Variants in PXDNL observed in about 807,000 individuals in gnomAD.
PXDNL encodes the protein peroxidasin like, also known as probable oxidoreductase PXDNL.
PXDNL carries 145 observed loss-of-function variants against 150.8 expected under a neutral mutation model. That is an observed-to-expected ratio of 0.96 (90% CI 0.84 to 1.10). The LOEUF (loss-of-function observed/expected upper bound fraction) is 1.10, where lower values mean the gene tolerates loss of function less well. PXDNL is among the 50% of genes least tolerant of loss of function. The pLI, the probability that PXDNL is intolerant of heterozygous loss-of-function variation, is 0.00. For missense variants in PXDNL, 2,087 were observed against 1,873.9 expected, an observed-to-expected ratio of 1.11 and a Z score of -2.10; for synonymous variants, 757 against 725.7, an observed-to-expected ratio of 1.04 and a Z score of -0.69.
chr8:51,528,817 T>G (rs1027626048), intron 4 of PXDNL, among the ~76,000 whole-genome samples: 6 of 152,124 alleles, frequency 3.9e-5, no homozygotes, highest in African/African-American at 1.4e-4. Flanking sequence ...TTTTTACAGC[T>G]TCCACAACCG....
intron 1 of PXDNL, among the ~76,000 whole-genome samples, chr8:51,725,127 C>G (rs1486336166): frequency 6.6e-6 from 1 of 152,080 alleles, no homozygotes; most frequent in Non-Finnish European, 1.5e-5. Flanking sequence ...TTCTATTCAA[C>G]CATGTAATAA....
rs57363855 is a variant in PXDNL at position 51,652,460 on chromosome 8, CAA to C, written c.236+2227_236+2228del. ...TCTCTCACACACACACACACACACA[CAA>C]ACACACACACACACACACACCAACC... On this transcript the variant is annotated intron_variant, in intron 2 of 22. Coordinates refer to ENST00000356297, the MANE Select transcript of PXDNL (RefSeq NM_144651.5). Among the ~76,000 whole-genome samples the C allele has an allele frequency of 8.3e-4, 114 of 138,062 alleles. 2 individuals carry two copies. The Middle Eastern group carries it at 0.015, about 18-fold the overall frequency. 90.6% of individuals were successfully genotyped at this position (138,062 alleles called of 152,430 possible).
At chr8:51,577,987 GAAA>G (rs1563471096) in intron 3 of PXDNL, among the ~76,000 whole-genome samples, 753 of 70,006 alleles carry the variant, frequency 0.011, no homozygotes, top group Middle Eastern at 0.028. Context: ...AAGAAAGAAA[GAAA>G]GAAAGAAAGA....
intron 2 of PXDNL, among the ~76,000 whole-genome samples, chr8:51,602,418 A>C (rs965520330): frequency 1.3e-5 from 2 of 152,056 alleles, no homozygotes; most frequent in African/African-American, 4.8e-5. Flanking sequence ...GTTAATTCAA[A>C]AGACCAGTCT....
chr8:51,522,541 T>C (rs1811683214), intron 4 of PXDNL, among the ~76,000 whole-genome samples: 1 of 152,218 alleles, frequency 6.6e-6, no homozygotes, highest in Admixed American at 6.5e-5. Flanking sequence ...TCTATTGTAA[T>C]TGGCCTTATA....
intron 20 of PXDNL, chr8:51,339,997 C>A (rs565137284): frequency 3.1e-6 from 1 of 319,834 alleles, no homozygotes; most frequent in Non-Finnish European, 5.7e-6. Flanking sequence ...GAAAGTATTT[C>A]TTATGACATA....
chr8:51,435,703 C>A, intron 12 of PXDNL: 1 of 276,588 alleles, frequency 3.6e-6, no homozygotes, highest in South Asian at 4.2e-5. Flanking sequence ...AGCTGGGCAC[C>A]ACCGCAGAGG....
chr8:51,357,309 G>A (rs894770539), intron 19 of PXDNL, among the ~76,000 whole-genome samples: 3 of 152,186 alleles, frequency 2.0e-5, no homozygotes, highest in Non-Finnish European at 4.4e-5. Flanking sequence ...CACAGAAGCA[G>A]CACAGAACTC....
intron 2 of PXDNL, among the ~76,000 whole-genome samples, chr8:51,598,007 T>C (rs1813612957): frequency 1.3e-5 from 2 of 152,112 alleles, no homozygotes; most frequent in Non-Finnish European, 2.9e-5. Flanking sequence ...AGCCACTGCG[T>C]CTGGCCTAGG....
intron 7 of PXDNL, among the ~76,000 whole-genome samples, chr8:51,474,297 T>C (rs1346451315): frequency 6.6e-6 from 1 of 152,156 alleles, no homozygotes; most frequent in African/African-American, 2.4e-5. Context: ...AATATAGGAA[T>C]AGAGATACAT....
At chr8:51,778,394 T>C (rs953510409) in intron 1 of PXDNL, among the ~76,000 whole-genome samples, 2 of 152,222 alleles carry the variant, frequency 1.3e-5, no homozygotes, top group Non-Finnish European at 2.9e-5. Flanking sequence ...GGGTGACTAC[T>C]GGGAAGTTCT....
intron 4 of PXDNL, among the ~76,000 whole-genome samples, chr8:51,508,530 C>A (rs1585535878): frequency 1.3e-5 from 2 of 152,192 alleles, no homozygotes; most frequent in African/African-American, 4.8e-5. Flanking sequence ...CTTCTCCCAC[C>A]TCAATGGGCC....
Position 51,408,170 on chromosome 8 carries a change from G to A in PXDNL, c.3454C>T (p.Pro1152Ser), listed in dbSNP as rs1808489131. 1.2e-6 allele frequency: 2 copies of A among 1,613,970 alleles called. No individual in the cohort carries two copies. Among genetic ancestry groups the A allele is most frequent in the East Asian group, 2.2e-5 (1 of 44,874 alleles). Residue 1152 changes from proline to serine, a missense_variant, in exon 17 of 23, where the codon CCA becomes TCA. Physicochemically the swap from Pro to Ser is moderately conservative, Grantham distance 74. Coordinates refer to ENST00000356297, the MANE Select transcript of PXDNL (RefSeq NM_144651.5). ...IQRGRDHGIP[P>S]YVDFRVFCNL... ...CAGAAAACTCTGAAGTCAACATATG[G>A]TGGGATCCCGTGGTCTCTACCCCTT...
chr8:51,612,748 C>A (rs980139069), intron 2 of PXDNL, among the ~76,000 whole-genome samples: 1 of 152,180 alleles, frequency 6.6e-6, no homozygotes, highest in Non-Finnish European at 1.5e-5. Flanking sequence ...AGCCCCTGGC[C>A]ATGCTGGTGC....
intron 2 of PXDNL, among the ~76,000 whole-genome samples, chr8:51,606,326 C>T (rs974456959): frequency 6.6e-6 from 1 of 152,118 alleles, no homozygotes; most frequent in Non-Finnish European, 1.5e-5. Flanking sequence ...TATCTCTCAT[C>T]GTAGCATATT....
At chr8:51,591,764 G>T (rs1813449286) in intron 3 of PXDNL, among the ~76,000 whole-genome samples, 1 of 151,968 alleles carries the variant, frequency 6.6e-6, no homozygotes, top group Non-Finnish European at 1.5e-5. Flanking sequence ...GACTACAGGT[G>T]CCCACCACCA....
At chr8:51,641,524 C>G (rs1352540212) in intron 2 of PXDNL, among the ~76,000 whole-genome samples, 1 of 152,044 alleles carries the variant, frequency 6.6e-6, no homozygotes, top group East Asian at 1.9e-4. Flanking sequence ...AAACAAACAA[C>G]CCTATCAAAA....
At chr8:51,663,498 C>T (rs1206168575) in intron 1 of PXDNL, among the ~76,000 whole-genome samples, 5 of 152,060 alleles carry the variant, frequency 3.3e-5, no homozygotes, top group Admixed American at 6.5e-5. Context: ...TGACATTGAC[C>T]GAGTTAATGG....
chr8:51,428,212 A>G (rs1335335353), intron 12 of PXDNL, among the ~76,000 whole-genome samples: 2 of 152,246 alleles, frequency 1.3e-5, no homozygotes, highest in Non-Finnish European at 2.9e-5. Context: ...GAAGTACAAA[A>G]TCAAAGATTT....
Sources: allele counts gnomAD v4.1 joint callset (sites outside exome capture counted in the v4.1 genomes callset), GRCh38; gene constraint gnomAD v4.1.1; transcripts MANE v1.5; gene names NCBI Gene and HGNC (gene_info 2026-07-23, HGNC 2026-07-21).